NRG3: variants seen among roughly 807,000 people sequenced by gnomAD.
The protein encoded by NRG3 is neuregulin 3.
Under a neutral mutation model 66.9 loss-of-function variants are expected in NRG3, and 31 were observed. That is an observed-to-expected ratio of 0.46 (90% CI 0.35 to 0.63). NRG3 has a LOEUF of 0.63. NRG3 is among the 20% of genes least tolerant of loss of function. The pLI is 0.00. For missense variants in NRG3, 910 were observed against 878.9 expected (o/e 1.04, Z -0.45); for synonymous variants, 393 against 359.4 (o/e 1.09, Z -1.06).
intron 2 of NRG3, among the ~76,000 whole-genome samples, chr10:82,569,391 A>AGG (rs2133097584): frequency 6.6e-6 from 1 of 151,826 alleles, no homozygotes; most frequent in South Asian, 2.1e-4. Flanking sequence ...TCAACTCTGA[A>AGG]ATGGATGAGA....
chr10:82,156,700 G>T (rs2071214852), intron 1 of NRG3, among the ~76,000 whole-genome samples: 8 of 151,630 alleles, frequency 5.3e-5, no homozygotes, highest in Admixed American at 4.6e-4. Context: ...CTGCCAGAGT[G>T]CTTTGAAGGA....
intron 3 of NRG3, among the ~76,000 whole-genome samples, chr10:82,751,303 C>T (rs552712138): frequency 1.9e-4 from 29 of 152,262 alleles, no homozygotes; most frequent in Admixed American, 1.6e-3. Context: ...ATTAGATTCC[C>T]ACTGTGCTTT....
At chr10:82,708,863 T>A (rs950943313) in intron 2 of NRG3, among the ~76,000 whole-genome samples, 1 of 152,172 alleles carries the variant, frequency 6.6e-6, no homozygotes, top group Non-Finnish European at 1.5e-5. Context: ...GATGAGAGTA[T>A]ATTTTATATT....
intron 4 of NRG3, among the ~76,000 whole-genome samples, chr10:82,935,863 A>G (rs1848016840): frequency 6.7e-6 from 1 of 150,112 alleles, no homozygotes; most frequent in Non-Finnish European, 1.5e-5. Flanking sequence ...GAATCTTATA[A>G]CATAATACTG....
At chr10:82,012,152 C>A (rs1437592856) in intron 1 of NRG3, among the ~76,000 whole-genome samples, 4 of 152,210 alleles carry the variant, frequency 2.6e-5, no homozygotes, top group African/African-American at 9.6e-5. Flanking sequence ...TGGAGGTTCC[C>A]AAACCTCAGT....
chr10:82,039,652 A>G (rs2062944111), intron 1 of NRG3, among the ~76,000 whole-genome samples: 1 of 152,124 alleles, frequency 6.6e-6, no homozygotes, highest in African/African-American at 2.4e-5. Flanking sequence ...GCTTTTCCAA[A>G]TGTCCATCAG....
At chr10:82,623,826 C>T (rs1266678038) in intron 2 of NRG3, among the ~76,000 whole-genome samples, 3 of 152,152 alleles carry the variant, frequency 2.0e-5, no homozygotes, top group African/African-American at 7.2e-5. Context: ...GCCAAAACAA[C>T]TCATTCTATG....
rs192161672 is a variant in NRG3 at position 82,586,480 on chromosome 10, A to T, written c.954-152097A>T. Among the ~76,000 whole-genome samples, 70 of 152,210 alleles carry T rather than the reference A, an allele frequency of 4.6e-4. No homozygotes were observed. The East Asian group carries it at 0.01, about 22-fold the overall frequency. ...TTACAGTCTGGAACCAGAATGCCTG[A>T]GTTTAATTGCTGGTTATGCCACTTA... On this transcript the variant is annotated intron_variant, in intron 2 of 8. Coordinates refer to ENST00000372141, the MANE Select transcript of NRG3 (RefSeq NM_001010848.4).
chr10:82,101,982 C>T (rs901910452), intron 1 of NRG3, among the ~76,000 whole-genome samples: 2 of 138,458 alleles, frequency 1.4e-5, no homozygotes, highest in Non-Finnish European at 3.2e-5. Context: ...TCTTATTTTA[C>T]AGTTCTGTAT....
chr10:82,381,153 T>C (rs2085588946), intron 2 of NRG3, among the ~76,000 whole-genome samples: 1 of 152,096 alleles, frequency 6.6e-6, no homozygotes, highest in Admixed American at 6.6e-5. Context: ...AGTTGGTGTT[T>C]TGGGGGAAGG....
intron 2 of NRG3, among the ~76,000 whole-genome samples, chr10:82,659,548 G>A (rs1468868245): frequency 6.6e-6 from 1 of 152,162 alleles, no homozygotes; most frequent in African/African-American, 2.4e-5. Context: ...AGGAGGCTGA[G>A]GCAGGAGAAT....
chr10:82,947,743 A>T (rs1480672841), intron 4 of NRG3, among the ~76,000 whole-genome samples: 3 of 152,192 alleles, frequency 2.0e-5, no homozygotes, highest in South Asian at 4.1e-4. Flanking sequence ...GTGTCTATTC[A>T]ACTATGTTTT....
chr10:81,959,123 A>G (rs1254731748), intron 1 of NRG3, among the ~76,000 whole-genome samples: 2 of 152,198 alleles, frequency 1.3e-5, no homozygotes, highest in African/African-American at 4.8e-5. Context: ...GTTGACTTTT[A>G]TAATCATTGG....
intron 1 of NRG3, among the ~76,000 whole-genome samples, chr10:81,916,794 GTGCCTAATAATTGTAC>G (rs1791674806): frequency 6.6e-6 from 1 of 152,184 alleles, no homozygotes; most frequent in South Asian, 2.1e-4. Context: ...CCAATGAGTA[GTGCCTAATAATTGTAC>G]TGCCTTTCTG....
At chr10:82,976,673 C>CT (rs1304929515) in intron 7 of NRG3, among the ~76,000 whole-genome samples, 1 of 152,198 alleles carries the variant, frequency 6.6e-6, no homozygotes, top group Non-Finnish European at 1.5e-5. Context: ...ACCAAGAGGG[C>CT]TGCAGGCTCT....
chr10:82,037,248 G>GC (rs1233218453), intron 1 of NRG3, among the ~76,000 whole-genome samples: 1 of 152,154 alleles, frequency 6.6e-6, no homozygotes, highest in Non-Finnish European at 1.5e-5. Flanking sequence ...CTGCCAGACA[G>GC]CCCCCTGGCA....
chr10:82,333,453 A>G (rs1449514164), intron 1 of NRG3, among the ~76,000 whole-genome samples: 1 of 152,194 alleles, frequency 6.6e-6, no homozygotes, highest in African/African-American at 2.4e-5. Flanking sequence ...GAGATTAAAG[A>G]GTTACTGCTA....
intron 2 of NRG3, among the ~76,000 whole-genome samples, chr10:82,568,937 C>G (rs527370373): frequency 3.3e-5 from 5 of 151,900 alleles, no homozygotes; most frequent in African/African-American, 1.2e-4. Context: ...TGTCCCTTTA[C>G]CATTAGTGCT....
chr10:81,888,534 G>T (rs1366908928), intron 1 of NRG3, among the ~76,000 whole-genome samples: 3 of 152,132 alleles, frequency 2.0e-5, no homozygotes, highest in African/African-American at 4.8e-5. Flanking sequence ...AGCATATGAG[G>T]CCATTTCAGA....
Sources: gnomAD v4.1 joint callset for allele counts (sites outside exome capture counted in the v4.1 genomes callset) on GRCh38, gnomAD v4.1.1 for gene constraint, MANE v1.5 for transcripts, NCBI Gene and HGNC (gene_info 2026-07-23, HGNC 2026-07-21) for gene names.